PLCG2: variants seen among roughly 807,000 people sequenced by gnomAD.
The protein encoded by PLCG2 is 1-phosphatidylinositol 4,5-bisphosphate phosphodiesterase gamma-2.
In PLCG2, 69 loss-of-function variants were observed where a neutral mutation model predicts 175.6. The ratio of observed to expected loss-of-function variants is 0.39; its 90% CI spans 0.32 to 0.48. The LOEUF is 0.48. PLCG2 is among the 20% of genes least tolerant of loss of function. The pLI is 0.91. For synonymous variants in PLCG2, 827 were observed against 624.0 expected, an observed-to-expected ratio of 1.33 and a Z score of -4.85; for missense variants, 1,798 against 1,650.9, an observed-to-expected ratio of 1.09 and a Z score of -1.54.
intron 14 of PLCG2, among the ~76,000 whole-genome samples, chr16:81,905,085 C>A (rs936495459): frequency 6.6e-6 from 1 of 152,176 alleles, no homozygotes; most frequent in African/African-American, 2.4e-5. Flanking sequence ...CAGGGTTTTG[C>A]CATGTTGGCC....
At chr16:81,935,773 C>A (rs554024140) in intron 26 of PLCG2, 9 of 985,382 alleles carry the variant, frequency 9.1e-6, no homozygotes, top group Non-Finnish European at 2.4e-6. Flanking sequence ...AGGTGATTCT[C>A]AGTTTGTTCA....
chr16:81,958,918 G>A lies in PLCG2; in HGVS notation c.*920G>A, dbSNP rs1222294917. The A allele has an allele frequency of 4.5e-6, 1 of 221,556 alleles. No homozygotes were observed. Among genetic ancestry groups the A allele is most frequent in the Non-Finnish European group, 9.0e-6 (1 of 110,740 alleles). 13.7% of individuals were successfully genotyped at this position (221,556 alleles called of 1,614,324 possible). On this transcript the variant is annotated 3_prime_UTR_variant, in exon 33 of 33. Transcript: ENST00000564138. ...ATGTCTCTGGGTTACCCAGTCTTCT[G>A]GAGCAGCAAGCTGAGCTTTAATGGG...
In PLCG2 at chr16:81,959,318, T is replaced by A. The variant is rs1911696426; in HGVS notation, c.*1320T>A. ...TTGTTACCCGAAATGCTGGGCTTAG[T>A]ATGCATGTACTGCTGAAAAGCAGGG... On this transcript the variant is annotated 3_prime_UTR_variant, in exon 33 of 33. Transcript: ENST00000564138. The A allele has an allele frequency of 9.0e-6, 2 of 222,774 alleles. No homozygotes were observed. The highest frequency in any genetic ancestry group is 5.7e-5 in the Admixed American group (1 of 17,416). The allele number at this position is 222,774 out of a possible 1,614,324, so 13.8% of individuals were successfully genotyped here.
At chr16:81,826,546 C>T (rs1017118767) in intron 2 of PLCG2, among the ~76,000 whole-genome samples, 13 of 152,222 alleles carry the variant, frequency 8.5e-5, no homozygotes, top group African/African-American at 3.1e-4. Context: ...GTAACAAGCA[C>T]TTAGAATAAC....
At chr16:81,912,185 G>T (rs994634142) in intron 18 of PLCG2, among the ~76,000 whole-genome samples, 1 of 151,192 alleles carries the variant, frequency 6.6e-6, no homozygotes, top group Non-Finnish European at 1.5e-5. Context: ...CACCTGCCTT[G>T]GCCTCCCAAA....
At chr16:81,883,683 C>G (rs544438213) in intron 9 of PLCG2, 2 of 341,722 alleles carry the variant, frequency 5.9e-6, no homozygotes, top group Non-Finnish European at 1.1e-5. Context: ...CTTTTCTGGC[C>G]ATCATCTCAG....
At chr16:81,956,094 C>T (rs544993340) in intron 31 of PLCG2, among the ~76,000 whole-genome samples, 3 of 152,206 alleles carry the variant, frequency 2.0e-5, no homozygotes, top group Admixed American at 6.5e-5. Context: ...GACCTTTAAC[C>T]TACTTTGTCT....
rs1473370659 is a variant in PLCG2, at chr16:81,958,042, G to A, written c.*44G>A. 2 of 1,384,154 alleles carry A rather than the reference G, an allele frequency of 1.4e-6. No homozygotes were observed. Among genetic ancestry groups the A allele is most frequent in the South Asian group, 2.3e-5 (2 of 86,282 alleles). 85.7% of individuals were successfully genotyped at this position (1,384,154 alleles called of 1,614,324 possible). Reference sequence around the variant, plus strand: ...AAGGGTATTGTGTGTGTGCGCATGTGTGTTTGCATGTAGGAGAACGTGCCC... The same window carrying A: ...AAGGGTATTGTGTGTGTGCGCATGTATGTTTGCATGTAGGAGAACGTGCCC... On this transcript the variant is annotated 3_prime_UTR_variant, in exon 33 of 33. Coordinates refer to ENST00000564138, the MANE Select transcript of PLCG2 (RefSeq NM_002661.5).
chr16:81,830,329 A>AG (rs1905209693), intron 2 of PLCG2, among the ~76,000 whole-genome samples: 1 of 152,062 alleles, frequency 6.6e-6, no homozygotes, highest in African/African-American at 2.4e-5. Context: ...TTCTTGAGAC[A>AG]GAGTCTTGCT....
At chr16:81,943,597 C>T (rs1428888314) in intron 30 of PLCG2, among the ~76,000 whole-genome samples, 2 of 152,142 alleles carry the variant, frequency 1.3e-5, no homozygotes, top group Non-Finnish European at 2.9e-5. Context: ...CAGATTAGCT[C>T]ATTAGAGATG....
chr16:81,920,762 G>A (rs1910027016), intron 20 of PLCG2, among the ~76,000 whole-genome samples: 1 of 152,136 alleles, frequency 6.6e-6, no homozygotes, highest in African/African-American at 2.4e-5. Context: ...GTAGGGGGAA[G>A]GCACTGGTTT....
intron 7 of PLCG2, among the ~76,000 whole-genome samples, chr16:81,874,948 G>GTTTTTTTGTTTTTT (rs1907695346): frequency 2.5e-5 from 1 of 40,764 alleles, no homozygotes; most frequent in African/African-American, 7.8e-5. Context: ...TATCCTATGT[G>GTTTTTTTGTTTTTT]TTTTTTTTTT....
intron 1 of PLCG2, among the ~76,000 whole-genome samples, chr16:81,745,731 C>T (rs546769855): frequency 7.2e-5 from 11 of 152,336 alleles, no homozygotes; most frequent in African/African-American, 2.6e-4. Flanking sequence ...ATCTCAGGTT[C>T]TGACCTTGGC....
intron 6 of PLCG2, among the ~76,000 whole-genome samples, chr16:81,869,771 A>G (rs1353698296): frequency 6.6e-6 from 1 of 152,056 alleles, no homozygotes; most frequent in Admixed American, 6.6e-5. Flanking sequence ...TCCATACATC[A>G]TTAAATTTAT....
intron 1 of PLCG2, among the ~76,000 whole-genome samples, chr16:81,782,140 T>C (rs1567460717): frequency 1.3e-5 from 2 of 152,046 alleles, no homozygotes; most frequent in Non-Finnish European, 2.9e-5. Flanking sequence ...CCTCCCAAAG[T>C]GCTGGAATTA....
At chr16:81,756,989 A>G (rs924387336) in intron 2 of PLCG2, among the ~76,000 whole-genome samples, 2 of 152,186 alleles carry the variant, frequency 1.3e-5, no homozygotes, top group African/African-American at 2.4e-5. Flanking sequence ...TGGGCAAAGG[A>G]GAGGAAATGT....
At chr16:81,760,763 T>TA (rs76802650) in intron 2 of PLCG2, among the ~76,000 whole-genome samples, 2 of 139,006 alleles carry the variant, frequency 1.4e-5, no homozygotes, top group Admixed American at 7.2e-5. Flanking sequence ...AAAAAAATAA[T>TA]AATAATAATA....
At chr16:81,935,808 TC>T in intron 26 of PLCG2, 1 of 985,392 alleles carries the variant, frequency 1.0e-6, no homozygotes, top group Non-Finnish European at 1.2e-6. Flanking sequence ...TCTCTCTGGA[TC>T]TTCCCCTCCC....
chr16:81,767,799 TG>T (rs1857531256), intron 2 of PLCG2: 1 of 152,246 alleles, frequency 6.6e-6, no homozygotes, highest in Admixed American at 6.5e-5. Flanking sequence ...ACCACGGATT[TG>T]CTTTCTGTCT....
Sources: gnomAD v4.1 joint callset for allele counts (sites outside exome capture counted in the v4.1 genomes callset) on GRCh38, gnomAD v4.1.1 for gene constraint, MANE v1.5 for transcripts, NCBI Gene and HGNC (gene_info 2026-07-23, HGNC 2026-07-21) for gene names.